Variants in MCUB observed in about 807,000 individuals in gnomAD.
The protein encoded by MCUB is calcium uniporter regulatory subunit MCUb, mitochondrial.
A neutral mutation model predicts 41.4 loss-of-function variants in MCUB; 46 were observed. That is an observed-to-expected ratio of 1.11 (90% CI 0.88 to 1.42). The LOEUF (loss-of-function observed/expected upper bound fraction) is 1.42, where lower values mean the gene tolerates loss of function less well. Among genes scored for constraint, MCUB ranks in the 40% most tolerant of loss-of-function variants. MCUB has a pLI of 0.00. For missense variants in MCUB, 403 were observed against 404.9 expected (o/e 1.00, Z 0.04); for synonymous variants, 148 against 148.2 (o/e 1.00, Z 0.01).
Position 109,664,309 on chromosome 4 carries a change from T to G in MCUB, c.366T>G (p.Ala122=), listed in dbSNP as rs1316790871. 1.3e-6 allele frequency: 2 copies of G among 1,562,978 alleles called. No individual in the cohort carries two copies. The highest frequency in any genetic ancestry group is 1.8e-6 in the Non-Finnish European group (2 of 1,133,596). The part of the protein sequence containing the change: ...IFTADGNMIS[A]STLMDILLMN... ...TTTCAGATGGCAACATGATTTCAGC[T>G]TCTACCTTGATGGATATTTTGCTAA... The change falls in exon 4 of 8, where the codon GCT becomes GCG. Residue 122 remains alanine, a synonymous_variant. Transcript: ENST00000394650.
intron 1 of MCUB, among the ~76,000 whole-genome samples, chr4:109,645,861 G>A (rs914071357): frequency 1.3e-5 from 2 of 152,118 alleles, no homozygotes; most frequent in African/African-American, 2.4e-5. Context: ...TCTCCATCTT[G>A]TGTCCCTCAG....
chr4:109,644,040 G>A lies in MCUB; in HGVS notation c.100-14971G>A, dbSNP rs185129972. ...GGCTGCCCGATTAAAAAAAAATTAG[G>A]TACATTATATTCAGTGGATTCTTAG... On this transcript the variant is annotated intron_variant, in intron 1 of 7. Transcript: ENST00000394650. Among the ~76,000 whole-genome samples the A allele has an allele frequency of 2.2e-3, 336 of 152,180 alleles. 1 individual carries two copies. The highest frequency in any genetic ancestry group is 2.0e-3 in the Non-Finnish European group (136 of 68,018).
chr4:109,571,522 G>A (rs1045021643), intron 1 of MCUB, among the ~76,000 whole-genome samples: 6 of 152,004 alleles, frequency 3.9e-5, no homozygotes, highest in South Asian at 2.1e-4. Context: ...CATATTGGTC[G>A]CCCTGGTCTC....
intron 1 of MCUB, among the ~76,000 whole-genome samples, chr4:109,566,905 A>G (rs1453506221): frequency 2.0e-5 from 3 of 152,170 alleles, no homozygotes; most frequent in Non-Finnish European, 4.4e-5. Context: ...ATTAATCAAT[A>G]TTTAAGACCA....
chr4:109,592,217 C>T (rs1727452209), intron 1 of MCUB, among the ~76,000 whole-genome samples: 2 of 151,612 alleles, frequency 1.3e-5, no homozygotes, highest in Admixed American at 6.6e-5. Context: ...CGAGACCAGC[C>T]TGGCCAATAT....
At chr4:109,598,016 T>G (rs1727622580) in intron 1 of MCUB, among the ~76,000 whole-genome samples, 1 of 148,888 alleles carries the variant, frequency 6.7e-6, no homozygotes, top group African/African-American at 2.5e-5. Flanking sequence ...GCAGAGACGC[T>G]CTTCACTTCC....
intron 1 of MCUB, among the ~76,000 whole-genome samples, chr4:109,634,030 A>G (rs1179974289): frequency 6.6e-6 from 1 of 152,162 alleles, no homozygotes; most frequent in African/African-American, 2.4e-5. Flanking sequence ...CTCACCAAGG[A>G]GAATTTAAAT....
intron 1 of MCUB, among the ~76,000 whole-genome samples, chr4:109,592,409 CAAAAAA>C (rs1049292419): frequency 8.2e-4 from 105 of 128,114 alleles, no homozygotes; most frequent in Non-Finnish European, 1.5e-3. Flanking sequence ...GACTCTGTCT[CAAAAAA>C]AAAAAAATTA....
At chr4:109,562,544 T>G (rs1726666057) in intron 1 of MCUB, among the ~76,000 whole-genome samples, 1 of 152,248 alleles carries the variant, frequency 6.6e-6, no homozygotes, top group South Asian at 2.1e-4. Context: ...ATCACTCTTT[T>G]GTGGCTTTCC....
At chr4:109,621,590 A>G (rs918670896) in intron 1 of MCUB, among the ~76,000 whole-genome samples, 2 of 152,246 alleles carry the variant, frequency 1.3e-5, no homozygotes, top group Admixed American at 1.3e-4. Context: ...GAATTATCAT[A>G]CCCTGAGAGA....
chr4:109,636,436 T>G (rs971379994), intron 1 of MCUB, among the ~76,000 whole-genome samples: 1 of 152,172 alleles, frequency 6.6e-6, no homozygotes, highest in Non-Finnish European at 1.5e-5. Flanking sequence ...GTTAGAACTC[T>G]GGAAAACACC....
At chr4:109,572,228 C>G (rs17586019) in intron 1 of MCUB, among the ~76,000 whole-genome samples, 7,004 of 152,362 alleles carry the variant, frequency 0.046, 199 homozygotes, top group East Asian at 0.11. Flanking sequence ...GTCTTGTACA[C>G]TTACACACTA....
At chr4:109,603,057 A>C (rs1262055151) in intron 1 of MCUB, among the ~76,000 whole-genome samples, 2 of 152,126 alleles carry the variant, frequency 1.3e-5, no homozygotes, top group Non-Finnish European at 2.9e-5. Context: ...ACTTTATGAA[A>C]TTTATCAGGT....
chr4:109,587,319 G>A (rs1270104716), intron 1 of MCUB, among the ~76,000 whole-genome samples: 2 of 152,246 alleles, frequency 1.3e-5, no homozygotes, highest in Admixed American at 6.5e-5. Flanking sequence ...TTGGAAAAGT[G>A]CAGTATTTGG....
At chr4:109,567,484 C>T (rs1050437272) in intron 1 of MCUB, among the ~76,000 whole-genome samples, 1 of 134,898 alleles carries the variant, frequency 7.4e-6, no homozygotes, top group African/African-American at 2.8e-5. Context: ...TCTTGGCCAA[C>T]ATGGTGAAAC....
chr4:109,568,082 A>T (rs1561211291), intron 1 of MCUB, among the ~76,000 whole-genome samples: 1 of 152,028 alleles, frequency 6.6e-6, no homozygotes, highest in Non-Finnish European at 1.5e-5. Flanking sequence ...GGGGGGGAAA[A>T]ATTATTTTAG....
intron 1 of MCUB, among the ~76,000 whole-genome samples, chr4:109,569,902 A>T (rs954004884): frequency 2.0e-5 from 3 of 152,164 alleles, no homozygotes; most frequent in Non-Finnish European, 4.4e-5. Context: ...TTGTGAGATG[A>T]ATGCTGTTGG....
chr4:109,684,538 C>G lies in MCUB; in HGVS notation c.708C>G (p.Ala236=), dbSNP rs1729791697. The change falls in exon 6 of 8, where the codon GCC becomes GCG. Residue 236 remains alanine (A), a synonymous_variant. Transcript: ENST00000394650. ...ALLSIQGGAL[A]WLTWWVYSWD... ...TGTCCATTCAGGGTGGGGCACTGGC[C>G]TGGCTCACGTGGTGGGTGTACTCCT... is the stretch of plus-strand genomic sequence containing the variant. The G allele has an allele frequency of 6.2e-7, 1 of 1,613,092 alleles. No homozygotes were observed. Among genetic ancestry groups the G allele is most frequent in the Admixed American group, 1.7e-5 (1 of 59,994 alleles).
rs1415291462 is a variant in MCUB at position 109,684,827 on chromosome 4, A to G, written c.816+181A>G. The G allele has an allele frequency of 5.8e-6, 3 of 517,280 alleles. No individual in the cohort carries two copies. In the East Asian group the frequency reaches 9.3e-5, roughly 16 times the overall value. 32.0% of individuals were successfully genotyped at this position (517,280 alleles called of 1,614,324 possible). On this transcript the variant is annotated intron_variant, in intron 6 of 7. Transcript: ENST00000394650. ...AAGACTCACAACACAGAGAAATTAT[A>G]TATAACTTCTTTGGAGAAGTAATTA...
Sources: gnomAD v4.1 joint callset for allele counts (sites outside exome capture counted in the v4.1 genomes callset) on GRCh38, gnomAD v4.1.1 for gene constraint, MANE v1.5 for transcripts, NCBI Gene and HGNC (gene_info 2026-07-23, HGNC 2026-07-21) for gene names.